FOCAD: variants seen among roughly 807,000 people sequenced by gnomAD.
FOCAD encodes focadhesin, also known as KIAA1797.
Under a neutral mutation model 225.6 loss-of-function variants are expected in FOCAD, and 198 were observed. The observed-to-expected ratio is 0.88, with a 90% CI of 0.78 to 0.99. The LOEUF (loss-of-function observed/expected upper bound fraction) is 0.99. Among genes scored for constraint, FOCAD ranks in the 50% least tolerant of loss-of-function variants. The pLI, the probability that FOCAD is intolerant of heterozygous loss-of-function variation, is 0.00. For missense variants in FOCAD, 2,713 were observed against 2,123.6 expected, an observed-to-expected ratio of 1.28 and a Z score of -5.46; for synonymous variants, 897 against 755.0, an observed-to-expected ratio of 1.19 and a Z score of -3.08.
intron 41 of FOCAD, among the ~76,000 whole-genome samples, chr9:20,988,826 T>C (rs893336063): frequency 6.6e-6 from 1 of 152,142 alleles, no homozygotes; most frequent in Non-Finnish European, 1.5e-5. Context: ...AATATAGGGC[T>C]CTGGCCTCCA....
intron 2 of FOCAD, 85 bp from the exon 3 acceptor site, chr9:20,717,709 T>C (rs1454431263): frequency 1.1e-5 from 11 of 1,039,012 alleles, no homozygotes; most frequent in Non-Finnish European, 1.6e-5. Flanking sequence ...CCTAATTGAC[T>C]GCCTGGCATA....
At chr9:20,824,996 C>T (rs899019080) in intron 15 of FOCAD, among the ~76,000 whole-genome samples, 12 of 151,706 alleles carry the variant, frequency 7.9e-5, no homozygotes, top group Non-Finnish European at 1.6e-4. Context: ...AAAATGACTG[C>T]ATTACTATTA....
chr9:20,881,183 G>T (rs1830637296), intron 19 of FOCAD, among the ~76,000 whole-genome samples: 1 of 152,208 alleles, frequency 6.6e-6, no homozygotes, highest in Admixed American at 6.5e-5. Flanking sequence ...CCATTCTCAT[G>T]AAAATGTGGG....
rs1307274995 is a variant in FOCAD, at chr9:20,845,292, ACT to A, written c.1921-17283_1921-17282del. On this transcript the variant is annotated intron_variant, in intron 15 of 43. Transcript: ENST00000338382. ...ACCCATATGTCACTATCCAGATATA[ACT>A]CTGATAATAATTTGCCATATATAAT... 3.3e-5 allele frequency among the ~76,000 whole-genome samples: 5 copies of A among 152,028 alleles called. No homozygotes were observed. The East Asian group carries it at 9.7e-4, about 29-fold the overall frequency.
At chr9:20,843,780 G>A (rs573282007) in intron 15 of FOCAD, among the ~76,000 whole-genome samples, 18 of 152,018 alleles carry the variant, frequency 1.2e-4, no homozygotes, top group South Asian at 8.3e-4. Context: ...AATGAAATAC[G>A]CATATATTCT....
At chr9:20,930,668 T>G (rs1004949622) in intron 27 of FOCAD, among the ~76,000 whole-genome samples, 2 of 152,200 alleles carry the variant, frequency 1.3e-5, no homozygotes, top group African/African-American at 4.8e-5. Context: ...ATATTTCAGA[T>G]GATCATTTTC....
At chr9:20,812,461 C>A (rs1044954515) in intron 11 of FOCAD, among the ~76,000 whole-genome samples, 5 of 151,870 alleles carry the variant, frequency 3.3e-5, no homozygotes, top group African/African-American at 1.2e-4. Flanking sequence ...AAATTATGCT[C>A]TTTTTTTGCA....
intron 21 of FOCAD, among the ~76,000 whole-genome samples, chr9:20,903,092 A>G (rs1832685273): frequency 6.6e-6 from 1 of 151,892 alleles, no homozygotes; most frequent in Non-Finnish European, 1.5e-5. Flanking sequence ...TCAAGATGAG[A>G]AGGTTCTACC....
chr9:20,861,629 C>G (rs1473428453), intron 15 of FOCAD, among the ~76,000 whole-genome samples: 1 of 152,174 alleles, frequency 6.6e-6, no homozygotes, highest in African/African-American at 2.4e-5. Context: ...GTATATATTA[C>G]TCATTTATCT....
intron 3 of FOCAD, among the ~76,000 whole-genome samples, chr9:20,718,079 G>T (rs1825481382): frequency 6.6e-6 from 1 of 152,188 alleles, no homozygotes; most frequent in African/African-American, 2.4e-5. Context: ...CTCTAGGAAT[G>T]AGACATGGAG....
intron 6 of FOCAD, among the ~76,000 whole-genome samples, chr9:20,764,081 C>T (rs1334380647): frequency 3.9e-5 from 6 of 152,142 alleles, no homozygotes; most frequent in Non-Finnish European, 7.3e-5. Context: ...AACTTGAACA[C>T]TGTAAGGGTT....
intron 38 of FOCAD, among the ~76,000 whole-genome samples, 170 bp from the exon 39 acceptor site, chr9:20,982,187 G>T (rs927253992): frequency 6.6e-6 from 1 of 152,188 alleles, no homozygotes; most frequent in Non-Finnish European, 1.5e-5. Context: ...CAAAGTAACA[G>T]GAAAGATGTC....
At chr9:20,827,078 A>G (rs1286182606) in intron 15 of FOCAD, among the ~76,000 whole-genome samples, 2 of 152,084 alleles carry the variant, frequency 1.3e-5, no homozygotes, top group African/African-American at 4.8e-5. Context: ...CATTCATTTA[A>G]TGTATATAAT....
intron 1 of FOCAD, among the ~76,000 whole-genome samples, chr9:20,705,699 A>G (rs914660993): frequency 2.6e-5 from 4 of 152,062 alleles, no homozygotes; most frequent in African/African-American, 7.2e-5. Flanking sequence ...TTGGTGAAGG[A>G]AAAATACTTA....
chr9:20,661,337 G>A (rs1222337952), intron 2 of FOCAD, among the ~76,000 whole-genome samples: 3 of 152,202 alleles, frequency 2.0e-5, no homozygotes, highest in Admixed American at 6.5e-5. Flanking sequence ...AGTCTCCAAT[G>A]TGCTGAGTTC....
intron 15 of FOCAD, among the ~76,000 whole-genome samples, chr9:20,836,336 G>A (rs1279797823): frequency 3.9e-5 from 6 of 152,086 alleles, no homozygotes; most frequent in African/African-American, 4.8e-5. Flanking sequence ...TGTGGATTCA[G>A]TATTTATTAC....
intron 5 of FOCAD, among the ~76,000 whole-genome samples, chr9:20,749,918 A>T (rs1828392035): frequency 6.6e-6 from 1 of 152,048 alleles, no homozygotes; most frequent in African/African-American, 2.4e-5. Flanking sequence ...CCAGTTACAG[A>T]TTTTATCATT....
At chr9:20,936,569 C>A (rs1407421543) in intron 28 of FOCAD, among the ~76,000 whole-genome samples, 3 of 152,126 alleles carry the variant, frequency 2.0e-5, no homozygotes, top group Non-Finnish European at 4.4e-5. Flanking sequence ...TGGCTCACGC[C>A]TGTAATCCCA....
intron 2 of FOCAD, among the ~76,000 whole-genome samples, chr9:20,661,119 A>G (rs1255658449): frequency 1.3e-5 from 2 of 152,214 alleles, no homozygotes; most frequent in Non-Finnish European, 2.9e-5. Context: ...ATGTTTGGCA[A>G]TGGCAACTGA....
Sources: allele counts gnomAD v4.1 joint callset (sites outside exome capture counted in the v4.1 genomes callset), GRCh38; gene constraint gnomAD v4.1.1; transcripts MANE v1.5; gene names NCBI Gene and HGNC (gene_info 2026-07-23, HGNC 2026-07-21).